The following CELSR1 variants were observed in gnomAD, a reference collection of about 807,000 sequenced individuals.
The protein encoded by CELSR1 is adhesion G protein-coupled receptor C1.
CELSR1 carries 110 observed loss-of-function variants against 249.1 expected under a neutral mutation model. The ratio of observed to expected loss-of-function variants is 0.44; its 90% CI spans 0.38 to 0.52. The LOEUF is 0.52. CELSR1 is among the 20% of genes least tolerant of loss of function. CELSR1 has a pLI of 0.00. For synonymous variants in CELSR1, 2,113 were observed against 1,900.0 expected (o/e 1.11, Z -2.92); for missense variants, 4,109 against 4,296.4 (o/e 0.96, Z 1.22).
chr22:46,409,227 A>AGGG lies in CELSR1; in HGVS notation c.5060-68_5060-66dup. ...ATCACACGGCCGCGGACTTGGCTGC[A>AGGG]GGGGCGGGGGATGGGCCTGCAGGCT... is the stretch of plus-strand genomic sequence containing the variant. On this transcript the variant is annotated intron_variant, in intron 8 of 34. Transcript: ENST00000674500. This position sits in a 1 kb window ranked among gnomAD's most constrained non-coding sequence, Gnocchi z 9.8. 7 of 1,567,354 alleles carry AGGG rather than the reference A, an allele frequency of 4.5e-6. No homozygotes were observed. Among genetic ancestry groups the AGGG allele is most frequent in the Non-Finnish European group, 6.1e-6 (7 of 1,149,764 alleles).
Position 46,391,940 on chromosome 22 carries a change from A to C in CELSR1, c.5965-124T>G. The C allele has an allele frequency of 9.9e-7, 1 of 1,006,560 alleles. No homozygotes were observed. The highest frequency in any genetic ancestry group is 1.4e-6 in the Non-Finnish European group (1 of 701,770). 62.4% of individuals were successfully genotyped at this position (1,006,560 alleles called of 1,614,324 possible). ...GTGTGTGTTGGCCGCCAGCCATCCCACCCCTCATGGCTACCCTCTGCCCAC... is the reference window on the plus strand; with the variant it reads ...GTGTGTGTTGGCCGCCAGCCATCCCCCCCCTCATGGCTACCCTCTGCCCAC... On this transcript the variant is annotated intron_variant, in intron 14 of 34. Coordinates refer to ENST00000674500, the MANE Select transcript of CELSR1 (RefSeq NM_001378328.1). The surrounding 1 kb of genome is among the most constrained non-coding windows in gnomAD (Gnocchi z 4.3).
At chr22:46,483,076 C>T (rs770180235) in intron 1 of CELSR1, among the ~76,000 whole-genome samples, 21 of 152,166 alleles carry the variant, frequency 1.4e-4, no homozygotes, top group Non-Finnish European at 2.9e-4. Context: ...AACATCAATT[C>T]CAGGTGAACT....
rs201629705 is a variant in CELSR1 at position 46,398,589 on chromosome 22, C to A, written c.5461G>T (p.Val1821Leu). The A allele has an allele frequency of 2.5e-5, 40 of 1,613,816 alleles. No individual in the cohort carries two copies. The highest frequency in any genetic ancestry group is 3.2e-5 in the Non-Finnish European group (38 of 1,179,958). ...TCTTCAGAGGCGCCTCCGACCACCA[C>A]GCTCCTTACCGTCAGCCCGGGAAGC... ...GMLPGLTVRS[V>L]VVGGASEDKV... is the part of the protein sequence containing the mutation. Residue 1821 changes from valine (V) to leucine (L), a missense_variant, in exon 11 of 35, where the codon GTG (valine) becomes TTG (leucine). By Grantham distance (32) the Val-to-Leu change is conservative. Coordinates refer to ENST00000674500, the MANE Select transcript of CELSR1 (RefSeq NM_001378328.1). This position sits in a 1 kb window ranked among gnomAD's most constrained non-coding sequence, Gnocchi z 7.2.
At chr22:46,458,414 G>A (rs1569178411) in intron 2 of CELSR1, among the ~76,000 whole-genome samples, 2 of 152,350 alleles carry the variant, frequency 1.3e-5, no homozygotes, top group East Asian at 3.9e-4. Flanking sequence ...AGGGAGGGCA[G>A]GAGAAGGCCC....
In CELSR1 at chr22:46,390,286, G is replaced by T; in HGVS notation, c.6345+106C>A. On this transcript the variant is annotated intron_variant, in intron 17 of 34. Coordinates refer to ENST00000674500, the MANE Select transcript of CELSR1 (RefSeq NM_001378328.1). The surrounding 1 kb of genome is among the most constrained non-coding windows in gnomAD (Gnocchi z 6.3). ...GGGCTGTCCCTGCGCCATCCCAGCC[G>T]CCCCAACACTCCCCAGCCCAGGAGC... 2.2e-6 allele frequency: 2 copies of T among 924,112 alleles called. No individual in the cohort carries two copies. Among genetic ancestry groups the T allele is most frequent in the Non-Finnish European group, 1.6e-6 (1 of 620,598 alleles). 57.2% of individuals were successfully genotyped at this position (924,112 alleles called of 1,614,324 possible).
chr22:46,493,137 C>A (rs1006978897), intron 1 of CELSR1, among the ~76,000 whole-genome samples: 3 of 152,234 alleles, frequency 2.0e-5, no homozygotes, highest in Non-Finnish European at 1.5e-5. Flanking sequence ...GTGGTCCCAG[C>A]TACTTGGGAG....
rs2079345760 is a variant in CELSR1, at chr22:46,412,230, GCCCTA to G, written c.4612-476_4612-472del. 6.6e-6 allele frequency among the ~76,000 whole-genome samples: 1 copy of G among 152,176 alleles called. No individual in the cohort carries two copies. ...CCCTTCAGCCTTCGGAGGAGGCACGGCCCTACCCGCGCCTTGACTTCTAGGCACCA... is the reference window on the plus strand; with the variant it reads ...CCCTTCAGCCTTCGGAGGAGGCACGGCCCGCGCCTTGACTTCTAGGCACCA... On this transcript the variant is annotated intron_variant, in intron 5 of 34. Transcript: ENST00000674500. This position sits in a 1 kb window ranked among gnomAD's most constrained non-coding sequence, Gnocchi z 4.5.
At position 46,413,616 on chromosome 22, in the gene CELSR1, G is replaced by A. The variant is rs1359889687; in HGVS notation, c.4612-1857C>T. Among the ~76,000 whole-genome samples, 1 of 152,152 alleles carries A rather than the reference G, an allele frequency of 6.6e-6. No homozygotes were observed. Among genetic ancestry groups the A allele is most frequent in the Admixed American group, 6.5e-5 (1 of 15,280 alleles). ...AAGGGAGGCTTCTACCATGACCCCT[G>A]GTATTCGAATGCATGGATCACCTTT... On this transcript the variant is annotated intron_variant, in intron 5 of 34. Coordinates refer to ENST00000674500, the MANE Select transcript of CELSR1 (RefSeq NM_001378328.1). The surrounding 1 kb of genome is among the most constrained non-coding windows in gnomAD (Gnocchi z 4.7).
At chr22:46,416,108 G>GGGC (rs1555913216) in intron 5 of CELSR1, among the ~76,000 whole-genome samples, 1 of 127,570 alleles carries the variant, frequency 7.8e-6, no homozygotes, top group Non-Finnish European at 1.8e-5. Flanking sequence ...GTTGCAGAGG[G>GGGC]GGGCGGATAA....
Position 46,500,961 on chromosome 22 carries a change from A to T in CELSR1, c.3544+32666T>A, listed in dbSNP as rs1368225383. 2.0e-5 allele frequency among the ~76,000 whole-genome samples: 3 copies of T among 152,184 alleles called. No homozygotes were observed. In the South Asian group the frequency reaches 6.2e-4, roughly 32 times the overall value. On this transcript the variant is annotated intron_variant, in intron 1 of 34. Coordinates refer to ENST00000674500, the MANE Select transcript of CELSR1 (RefSeq NM_001378328.1). The surrounding 1 kb of genome is among the most constrained non-coding windows in gnomAD (Gnocchi z 4.9). ...CTAACACCCCTCCAGAGACCCAAAG[A>T]TCTGAAATGTTAAGATGTTTCCACT...
Position 46,396,772 on chromosome 22 carries a change from T to A in CELSR1, c.5702-26A>T, listed in dbSNP as rs754561514. The A allele has an allele frequency of 1.2e-6, 2 of 1,606,642 alleles. No individual in the cohort carries two copies. The highest frequency in any genetic ancestry group is 1.7e-6 in the Non-Finnish European group (2 of 1,176,724). ...CTGCAAGGACAGAGCCAGCATTACC[T>A]CCACCCACAATCCACGAGACCTTCC... On this transcript the variant is annotated intron_variant, in intron 12 of 34. Coordinates refer to ENST00000674500, the MANE Select transcript of CELSR1 (RefSeq NM_001378328.1). The surrounding 1 kb of genome is among the most constrained non-coding windows in gnomAD (Gnocchi z 6.4).
Position 46,433,386 on chromosome 22 carries a change from A to G in CELSR1, c.4611+7T>C. On this transcript the variant is annotated splice_region_variant and intron_variant, in intron 5 of 34. Transcript: ENST00000674500. This position sits in a 1 kb window ranked among gnomAD's most constrained non-coding sequence, Gnocchi z 5.7. ...GGGCCAGGGGGAAGTGGTGGGGCCC[A>G]TCTTACCTTGTTGTAGTACTGCACC... 1.2e-6 allele frequency: 2 copies of G among 1,612,000 alleles called. No homozygotes were observed. The highest frequency in any genetic ancestry group is 1.7e-6 in the Non-Finnish European group (2 of 1,178,660).
chr22:46,520,415 A>AT (rs540335771), intron 1 of CELSR1, among the ~76,000 whole-genome samples: 106,789 of 151,880 alleles, frequency 0.7, 39,148 homozygotes, highest in East Asian at 0.94. Flanking sequence ...TCCTTCTAGC[A>AT]TTTTTTTCTT....
At position 46,411,771 on chromosome 22, in the gene CELSR1, G is replaced by A. The variant is rs1040662942; in HGVS notation, c.4612-12C>T. The A allele has an allele frequency of 6.2e-6, 10 of 1,613,846 alleles. No homozygotes were observed. The highest frequency in any genetic ancestry group is 8.5e-6 in the Non-Finnish European group (10 of 1,180,042). Reference sequence around the variant, plus strand: ...TGGCCAATATTGGGCTGTAAGAAGAGAAAGCACAGAAGGTGTCAGCGTTTT... The same window carrying A: ...TGGCCAATATTGGGCTGTAAGAAGAAAAAGCACAGAAGGTGTCAGCGTTTT... On this transcript the variant is annotated splice_polypyrimidine_tract_variant and intron_variant, in intron 5 of 34. Coordinates refer to ENST00000674500, the MANE Select transcript of CELSR1 (RefSeq NM_001378328.1). This position sits in a 1 kb window ranked among gnomAD's most constrained non-coding sequence, Gnocchi z 4.2.
At chr22:46,424,926 G>C (rs2079520195) in intron 5 of CELSR1, among the ~76,000 whole-genome samples, 1 of 152,232 alleles carries the variant, frequency 6.6e-6, no homozygotes, top group Non-Finnish European at 1.5e-5. Flanking sequence ...AGCTGAGATC[G>C]TGCCACTGCA....
At chr22:46,475,199 C>T (rs1230957503) in intron 1 of CELSR1, among the ~76,000 whole-genome samples, 1 of 151,998 alleles carries the variant, frequency 6.6e-6, no homozygotes, top group Non-Finnish European at 1.5e-5. Context: ...ATCCCCAGGC[C>T]CTCAGCATTA....
chr22:46,366,343 G>C (rs111934710), intron 30 of CELSR1, 43 bp downstream of exon 30: 4 of 1,497,614 alleles, frequency 2.7e-6, no homozygotes, highest in Non-Finnish European at 3.6e-6. Context: ...AAACCTGAGG[G>C]AGTTCGAGAG....
In CELSR1 at chr22:46,408,142, G is replaced by C. The variant is rs530446597; in HGVS notation, c.5226+854C>G. Among the ~76,000 whole-genome samples the C allele has an allele frequency of 1.3e-5, 2 of 152,302 alleles. No homozygotes were observed. Among genetic ancestry groups the C allele is most frequent in the Admixed American group, 1.3e-4 (2 of 15,300 alleles). ...GAAAACCGGAGGAAAGAGTGCATTC[G>C]AATCACCTTCTAAAAGCTGTTCGGA... On this transcript the variant is annotated intron_variant, in intron 9 of 34. Coordinates refer to ENST00000674500, the MANE Select transcript of CELSR1 (RefSeq NM_001378328.1). The surrounding 1 kb of genome is among the most constrained non-coding windows in gnomAD (Gnocchi z 4.6).
chr22:46,388,156 C>T (rs1334778671), intron 18 of CELSR1, among the ~76,000 whole-genome samples: 2 of 152,158 alleles, frequency 1.3e-5, no homozygotes, highest in Admixed American at 1.3e-4. Flanking sequence ...CGAGACCAGC[C>T]TGGCCAACAT....
Sources: allele counts gnomAD v4.1 joint callset (sites outside exome capture counted in the v4.1 genomes callset), GRCh38; gene constraint gnomAD v4.1.1; non-coding constraint Gnocchi (gnomAD v3.1); transcripts MANE v1.5; gene names NCBI Gene and HGNC (gene_info 2026-07-23, HGNC 2026-07-21).